Variants in CEP170 observed in about 807,000 individuals in gnomAD.
CEP170 encodes centrosomal protein 170, also known as centrosomal protein of 170 kDa.
A neutral mutation model predicts 151.9 loss-of-function variants in CEP170; 21 were observed. The ratio of observed to expected loss-of-function variants is 0.14; its 90% CI spans 0.10 to 0.20. CEP170 has a LOEUF of 0.20. CEP170 is among the 10% of genes least tolerant of loss of function. CEP170 has a pLI of 1.00. For missense variants in CEP170, 964 were observed against 1,892.9 expected (o/e 0.51, Z 9.11); for synonymous variants, 356 against 648.8 (o/e 0.55, Z 6.86).
intron 7 of CEP170, among the ~76,000 whole-genome samples, chr1:243,198,397 GCCAAACTCAACT>G (rs1260510246): frequency 6.6e-6 from 1 of 152,032 alleles, no homozygotes; most frequent in African/African-American, 2.4e-5. Flanking sequence ...CATTCTGGCT[GCCAAACTCAACT>G]AATCTTGTTG....
chr1:243,209,548 TATTAAG>T (rs1285556547), intron 4 of CEP170, among the ~76,000 whole-genome samples: 3 of 152,222 alleles, frequency 2.0e-5, no homozygotes, highest in African/African-American at 4.8e-5. Flanking sequence ...ATAGACTGCC[TATTAAG>T]ATTAATTTTA....
Position 243,225,327 on chromosome 1 carries a change from G to A in CEP170, c.-41-6C>T. 1 of 1,182,636 alleles carries A rather than the reference G, an allele frequency of 8.5e-7. No homozygotes were observed. Among genetic ancestry groups the A allele is most frequent in the Middle Eastern group, 2.0e-4 (1 of 5,120 alleles). The allele number at this position is 1,182,636 out of a possible 1,614,324, so 73.3% of individuals were successfully genotyped here. ...TTTGGCAAAGCTACGTCATCCTGAA[G>A]AGAAACATGAAGAAAAATATACGTT... On this transcript the variant is annotated splice_region_variant and splice_polypyrimidine_tract_variant and intron_variant, in intron 1 of 19. Coordinates refer to ENST00000366542, the MANE Select transcript of CEP170 (RefSeq NM_014812.3).
chr1:243,221,615 CA>C (rs1417893962), intron 3 of CEP170, 108 bp downstream of exon 3: 5 of 1,101,478 alleles, frequency 4.5e-6, no homozygotes, highest in African/African-American at 1.6e-5. Context: ...TTGAAAATAA[CA>C]TACAAAGTAA....
intron 2 of CEP170, among the ~76,000 whole-genome samples, chr1:243,224,930 G>A (rs901976748): frequency 2.0e-5 from 3 of 152,076 alleles, no homozygotes; most frequent in African/African-American, 7.2e-5. Flanking sequence ...AGCATATAAT[G>A]TGAAACTTTC....
At chr1:243,228,062 T>C (rs1233461359) in intron 1 of CEP170, among the ~76,000 whole-genome samples, 1 of 152,252 alleles carries the variant, frequency 6.6e-6, no homozygotes, top group Non-Finnish European at 1.5e-5. Context: ...AGAATAATAC[T>C]TGTAAATATT....
intron 10 of CEP170, chr1:243,175,221 T>C (rs1175091709): frequency 6.6e-6 from 1 of 152,176 alleles, no homozygotes; most frequent in Admixed American, 6.5e-5. Context: ...GAACTAATCC[T>C]GTGAGGAAGG....
At chr1:243,247,493 A>C (rs1054359034) in intron 1 of CEP170, among the ~76,000 whole-genome samples, 15 of 152,148 alleles carry the variant, frequency 9.9e-5, no homozygotes, top group Admixed American at 2.0e-4. Context: ...AGCTGGGATT[A>C]CAGGCCTGCG....
At chr1:243,176,266 T>G (rs1167110146) in intron 10 of CEP170, among the ~76,000 whole-genome samples, 3 of 151,952 alleles carry the variant, frequency 2.0e-5, no homozygotes, top group African/African-American at 7.3e-5. Context: ...AGACACCTAA[T>G]TTTTATGCTT....
intron 4 of CEP170, among the ~76,000 whole-genome samples, chr1:243,206,174 C>G (rs1189155589): frequency 6.6e-6 from 1 of 152,148 alleles, no homozygotes; most frequent in Non-Finnish European, 1.5e-5. Context: ...CTCTCTTTTG[C>G]CCAGGCTGGA....
In CEP170 at chr1:243,164,896, A is replaced by C; in HGVS notation, c.3064T>G (p.Leu1022Val). Residue 1022 changes from leucine (L) to valine (V), a missense_variant, in exon 13 of 20, where the codon TTA (leucine) becomes GTA (valine). Coordinates refer to ENST00000366542, the MANE Select transcript of CEP170 (RefSeq NM_014812.3). ...SGRIRQPSVD[L>V]TDDDQTSSVP... ...CTAGAGGTTTGGTCATCATCTGTTA[A>C]GTCTACTGAGGGCTGTCTTATTCTC... 9 of 1,613,848 alleles carry C rather than the reference A, an allele frequency of 5.6e-6. No individual in the cohort carries two copies. Among genetic ancestry groups the C allele is most frequent in the Non-Finnish European group, 7.6e-6 (9 of 1,179,734 alleles).
chr1:243,213,853 G>C (rs1375242712), intron 3 of CEP170, among the ~76,000 whole-genome samples: 10 of 152,134 alleles, frequency 6.6e-5, no homozygotes, highest in Admixed American at 4.6e-4. Context: ...GCTGGGACTA[G>C]AGGCTTGTGC....
intron 10 of CEP170, among the ~76,000 whole-genome samples, chr1:243,178,963 C>T (rs2486232): frequency 6.6e-5 from 10 of 152,152 alleles, no homozygotes; most frequent in African/African-American, 1.7e-4. Flanking sequence ...CGTGATCACC[C>T]GCCTTGGCCT....
At chr1:243,222,465 T>C (rs953871630) in intron 2 of CEP170, among the ~76,000 whole-genome samples, 8 of 152,232 alleles carry the variant, frequency 5.3e-5, no homozygotes, top group African/African-American at 4.8e-5. Flanking sequence ...CTTAGTAAGT[T>C]GTCTGCAGAT....
intron 4 of CEP170, among the ~76,000 whole-genome samples, chr1:243,206,602 C>A (rs914741837): frequency 6.6e-6 from 1 of 152,022 alleles, no homozygotes; most frequent in Non-Finnish European, 1.5e-5. Context: ...TGAAGAATAC[C>A]AGAAATGGAA....
intron 7 of CEP170, among the ~76,000 whole-genome samples, chr1:243,197,859 A>C (rs1374628462): frequency 6.6e-6 from 1 of 152,070 alleles, no homozygotes; most frequent in Admixed American, 6.6e-5. Context: ...GTGCATGGGC[A>C]TGAAGAAAAC....
At chr1:243,180,513 G>T (rs1010346494) in intron 10 of CEP170, among the ~76,000 whole-genome samples, 1 of 152,212 alleles carries the variant, frequency 6.6e-6, no homozygotes, top group Non-Finnish European at 1.5e-5. Context: ...GCTGACTGTC[G>T]TCAAAGTCTT....
chr1:243,217,748 G>A (rs957391446), intron 3 of CEP170, among the ~76,000 whole-genome samples: 20 of 152,106 alleles, frequency 1.3e-4, no homozygotes, highest in Admixed American at 2.0e-4. Context: ...ACTTAGATAC[G>A]GGAAAAAAAA....
At chr1:243,148,834 C>T (rs1237183836) in intron 14 of CEP170, among the ~76,000 whole-genome samples, 1 of 151,996 alleles carries the variant, frequency 6.6e-6, no homozygotes, top group East Asian at 1.9e-4. Flanking sequence ...ATGTTAGTGG[C>T]ATTTTGATTC....
intron 1 of CEP170, among the ~76,000 whole-genome samples, chr1:243,248,203 G>C (rs2065602618): frequency 6.6e-6 from 1 of 152,190 alleles, no homozygotes; most frequent in Non-Finnish European, 1.5e-5. Context: ...GATACTGCCT[G>C]ATTTCTTATG....
Sources: gnomAD v4.1 joint callset for allele counts (sites outside exome capture counted in the v4.1 genomes callset) on GRCh38, gnomAD v4.1.1 for gene constraint, MANE v1.5 for transcripts, NCBI Gene and HGNC (gene_info 2026-07-23, HGNC 2026-07-21) for gene names.